Variants in UTP4 observed in about 807,000 individuals in gnomAD.
UTP4 encodes the protein UTP4 small subunit processome component.
A neutral mutation model predicts 82.4 loss-of-function variants in UTP4; 45 were observed. That is an observed-to-expected ratio of 0.55 (90% CI 0.43 to 0.70). UTP4 has a LOEUF of 0.70. Ranked by LOEUF, UTP4 falls within the 30% of genes least tolerant of loss-of-function variation. UTP4 has a pLI of 0.00. For synonymous variants in UTP4, 348 were observed against 300.3 expected (o/e 1.16, Z -1.64); for missense variants, 819 against 858.3 (o/e 0.95, Z 0.57).
chr16:69,168,098 TA>T (rs781001393), intron 16 of UTP4, among the ~76,000 whole-genome samples: 3 of 152,142 alleles, frequency 2.0e-5, no homozygotes, highest in African/African-American at 7.2e-5. Flanking sequence ...CAGAGAAATG[TA>T]AAAAAATCCT....
Position 69,142,524 on chromosome 16 carries a change from C to T in UTP4, c.527-654C>T, listed in dbSNP as rs548525603. ...AGGGGTCTACCAGCTGTTAACGGAT[C>T]CCTCTTTGAAGCCCCACTTACTCCT... is the stretch of plus-strand genomic sequence containing the variant. On this transcript the variant is annotated intron_variant, in intron 5 of 16. Coordinates refer to ENST00000314423, the MANE Select transcript of UTP4 (RefSeq NM_032830.3). Among the ~76,000 whole-genome samples the T allele has an allele frequency of 2.0e-5, 3 of 152,230 alleles. No individual in the cohort carries two copies. The East Asian group carries it at 5.8e-4, about 29-fold the overall frequency.
rs1365286710 is a variant in UTP4, at chr16:69,167,141, C to T, written c.1900C>T (p.Arg634Trp). The T allele has an allele frequency of 5.6e-6, 9 of 1,613,688 alleles. No individual in the cohort carries two copies. The highest frequency in any genetic ancestry group is 3.3e-5 in the South Asian group (3 of 91,082). Residue 634 changes from arginine to tryptophan, a missense_variant, in exon 16 of 17, where the codon CGG (arginine) becomes TGG (tryptophan). Coordinates refer to ENST00000314423, the MANE Select transcript of UTP4 (RefSeq NM_032830.3). ...FPPTNESDVI[R>W]RRTAHAFKIS... ...TCCCACGAATGAATCAGATGTCATC[C>T]GGAGGCGCACAGCTCATGCTTTTAA...
chr16:69,164,120 G>A (rs1963637755), intron 14 of UTP4, among the ~76,000 whole-genome samples: 1 of 151,964 alleles, frequency 6.6e-6, no homozygotes, highest in East Asian at 1.9e-4. Flanking sequence ...TCCTGACCTT[G>A]TGATCCGCCC....
At position 69,132,686 on chromosome 16, in the gene UTP4, G is replaced by A; in HGVS notation, c.-6G>A. On this transcript the variant is annotated 5_prime_UTR_variant, in exon 1 of 17. Coordinates refer to ENST00000314423, the MANE Select transcript of UTP4 (RefSeq NM_032830.3). Reference sequence around the variant, plus strand: ...GCACCGGGAAGGGGAGCGTGGGGCCGCTGGTGAGTTGGGGAAGGGGCGTGG... The same window carrying A: ...GCACCGGGAAGGGGAGCGTGGGGCCACTGGTGAGTTGGGGAAGGGGCGTGG... 3.0e-6 allele frequency: 1 copy of A among 329,144 alleles called. No individual in the cohort carries two copies. Among genetic ancestry groups the A allele is most frequent in the Non-Finnish European group, 5.9e-6 (1 of 169,168 alleles). The allele number at this position is 329,144 out of a possible 1,614,324, so 20.4% of individuals were successfully genotyped here.
At chr16:69,152,604 G>C (rs539135912) in intron 8 of UTP4, among the ~76,000 whole-genome samples, 1 of 151,444 alleles carries the variant, frequency 6.6e-6, no homozygotes, top group South Asian at 2.1e-4. Context: ...CTAGTAGCTG[G>C]GATTACAGGC....
rs866593508 is a variant in UTP4 at position 69,152,472 on chromosome 16, T to C, written c.1003-1112T>C. On this transcript the variant is annotated intron_variant, in intron 8 of 16. Transcript: ENST00000314423. ...AGCTAATTTCTGTTTTTCTTTTTTT[T>C]TTTTTTTTTTTTTTGAGACAGAGCT... is the stretch of plus-strand genomic sequence containing the variant. Among the ~76,000 whole-genome samples, 1,038 of 142,132 alleles carry C rather than the reference T, an allele frequency of 7.3e-3. 9 individuals are homozygous for C. Among genetic ancestry groups the C allele is most frequent in the African/African-American group, 0.025 (898 of 35,352 alleles). The allele number at this position is 142,132 out of a possible 152,430, so 93.2% of individuals were successfully genotyped here.
At chr16:69,151,164 G>A (rs576883432) in intron 8 of UTP4, among the ~76,000 whole-genome samples, 8 of 151,890 alleles carry the variant, frequency 5.3e-5, no homozygotes, top group South Asian at 2.1e-4. Context: ...GCGCCACCGC[G>A]CTCAGCTAAT....
At chr16:69,147,001 C>CAAAAAAAAAAAAAAAAAA (rs71148965) in intron 6 of UTP4, among the ~76,000 whole-genome samples, 3 of 85,788 alleles carry the variant, frequency 3.5e-5, no homozygotes, top group Non-Finnish European at 7.0e-5. Context: ...GACTCTGCCT[C>CAAAAAAAAAAAAAAAAAA]AAAAAAAAAA....
chr16:69,156,476 T>C (rs1478475425), intron 11 of UTP4, among the ~76,000 whole-genome samples: 10 of 147,034 alleles, frequency 6.8e-5, no homozygotes, highest in Non-Finnish European at 1.3e-4. Flanking sequence ...TTTTTTTTTT[T>C]TGACCGAGTT....
At chr16:69,145,232 C>T (rs1169330940) in intron 6 of UTP4, among the ~76,000 whole-genome samples, 1 of 152,104 alleles carries the variant, frequency 6.6e-6, no homozygotes, top group Non-Finnish European at 1.5e-5. Flanking sequence ...CCAAATCTCT[C>T]TCTGGATGGG....
At chr16:69,165,139 G>T (rs1166074421) in intron 14 of UTP4, among the ~76,000 whole-genome samples, 3 of 151,724 alleles carry the variant, frequency 2.0e-5, no homozygotes, top group Non-Finnish European at 4.4e-5. Flanking sequence ...AGCTTGCAGT[G>T]AGCGGAGATC....
At chr16:69,154,718 T>TTATTTATTTATC (rs1963363874) in intron 10 of UTP4, among the ~76,000 whole-genome samples, 1 of 151,138 alleles carries the variant, frequency 6.6e-6, no homozygotes, top group African/African-American at 2.4e-5. Flanking sequence ...ATTTATTTAT[T>TTATTTATTTATC]TATTTATTTA....
chr16:69,141,226 ACT>A (rs1486573155), intron 5 of UTP4, among the ~76,000 whole-genome samples: 1 of 151,174 alleles, frequency 6.6e-6, no homozygotes, highest in Non-Finnish European at 1.5e-5. Flanking sequence ...GAGATCTGAA[ACT>A]CTGATTGATT....
chr16:69,160,412 G>C lies in UTP4; in HGVS notation c.1501G>C (p.Ala501Pro). 1 of 1,614,106 alleles carries C rather than the reference G, an allele frequency of 6.2e-7. No individual in the cohort carries two copies. Among genetic ancestry groups the C allele is most frequent in the South Asian group, 1.1e-5 (1 of 91,078 alleles). The change falls in exon 13 of 17, where the codon GCA becomes CCA. Residue 501 changes from alanine to proline, a missense_variant. Physicochemically the swap from Ala to Pro is conservative, Grantham distance 27 (BLOSUM62 -1). Transcript: ENST00000314423. ...AVSPDGNWLA[A>P]SGTSAGVHVY... The stretch of plus-strand genomic sequence containing the variant: ...CAGTCCAGATGGGAATTGGCTAGCT[G>C]CATCAGGTACCAGTGCTGGAGTCCA...
intron 6 of UTP4, among the ~76,000 whole-genome samples, chr16:69,144,489 A>G (rs1450892059): frequency 6.6e-6 from 1 of 152,220 alleles, no homozygotes; most frequent in East Asian, 1.9e-4. Flanking sequence ...CACCCAGCCT[A>G]TTATTTTCTA....
chr16:69,167,383 G>C (rs893625254), intron 16 of UTP4, 198 bp downstream of exon 16: 1 of 588,616 alleles, frequency 1.7e-6, no homozygotes. Flanking sequence ...TTAGAGGCAG[G>C]CACATCATAC....
At chr16:69,165,220 G>A (rs1567383290) in intron 14 of UTP4, 121 bp from the exon 15 acceptor site, 2 of 804,428 alleles carry the variant, frequency 2.5e-6, no homozygotes, top group South Asian at 1.7e-5. Context: ...TGTTGGGAGA[G>A]CATAGAATGA....
rs749852219 is a variant in UTP4 at position 69,160,344 on chromosome 16, T to C, written c.1445-12T>C. On this transcript the variant is annotated splice_polypyrimidine_tract_variant and intron_variant, in intron 12 of 16. Coordinates refer to ENST00000314423, the MANE Select transcript of UTP4 (RefSeq NM_032830.3). ...GTGTGAATTCAGAGATGTAACTGTT[T>C]TGTCCTCACAGGAACAGTGGAGGCC... 6.2e-7 allele frequency: 1 copy of C among 1,607,066 alleles called. No individual in the cohort carries two copies. Among genetic ancestry groups the C allele is most frequent in the Non-Finnish European group, 8.5e-7 (1 of 1,173,472 alleles).
chr16:69,163,219 A>G (rs781612525), intron 14 of UTP4, 41 bp downstream of exon 14: 10 of 1,491,488 alleles, frequency 6.7e-6, no homozygotes, highest in Non-Finnish European at 8.4e-6. Flanking sequence ...TTCCTGCTGG[A>G]TAGTAACCTA....
Sources: allele counts gnomAD v4.1 joint callset (sites outside exome capture counted in the v4.1 genomes callset), GRCh38; gene constraint gnomAD v4.1.1; transcripts MANE v1.5; gene names NCBI Gene and HGNC (gene_info 2026-07-23, HGNC 2026-07-21).